Variants in SLC26A7 observed in about 807,000 individuals in gnomAD.
SLC26A7 encodes the protein anion exchange transporter.
SLC26A7 carries 59 observed loss-of-function variants against 82.5 expected under a neutral mutation model. That is an observed-to-expected ratio of 0.72 (90% confidence interval 0.58 to 0.89). The LOEUF (loss-of-function observed/expected upper bound fraction) is 0.89. Among genes scored for constraint, SLC26A7 ranks in the 40% least tolerant of loss-of-function variants. The probability of loss-of-function intolerance (pLI) is 0.00; values close to 1 mark genes in which losing one functional copy is unlikely to be tolerated. For synonymous variants in SLC26A7, 271 were observed against 274.3 expected, an observed-to-expected ratio of 0.99 and a Z score of 0.12; for missense variants, 820 against 793.0, an observed-to-expected ratio of 1.03 and a Z score of -0.41.
At chr8:91,386,139 G>T (rs1814793503) in intron 15 of SLC26A7, among the ~76,000 whole-genome samples, 1 of 152,086 alleles carries the variant, frequency 6.6e-6, no homozygotes, top group Non-Finnish European at 1.5e-5. Context: ...ACTCATGTCA[G>T]ACAGTTATAG....
intron 9 of SLC26A7, among the ~76,000 whole-genome samples, chr8:91,347,426 A>G (rs1377858517): frequency 1.3e-5 from 2 of 152,192 alleles, no homozygotes; most frequent in African/African-American, 4.8e-5. Flanking sequence ...TCCCTAATGG[A>G]GTCAAAATAT....
chr8:91,213,948 G>T (rs1256641361), intron 1 of SLC26A7, among the ~76,000 whole-genome samples: 1 of 152,100 alleles, frequency 6.6e-6, no homozygotes, highest in East Asian at 1.9e-4. Flanking sequence ...TAAGTAAGGG[G>T]TTTGAACTTG....
intron 9 of SLC26A7, chr8:91,348,269 C>A (rs767528234): frequency 7.0e-4 from 652 of 929,176 alleles, no homozygotes; most frequent in Non-Finnish European, 7.8e-4. Context: ...CCTTTCCCAT[C>A]TCTTTTGCCA....
chr8:91,374,400 G>C (rs1414076709), intron 15 of SLC26A7, among the ~76,000 whole-genome samples: 1 of 149,062 alleles, frequency 6.7e-6, no homozygotes, highest in African/African-American at 2.5e-5. Context: ...TTTTTTTGCT[G>C]TATCTTAGAG....
chr8:91,316,988 TAAAAAAAAAAA>T (rs61581659), intron 4 of SLC26A7, among the ~76,000 whole-genome samples: 1 of 15,498 alleles, frequency 6.5e-5, no homozygotes, highest in African/African-American at 1.5e-4. Context: ...ACCCTGTCTC[TAAAAAAAAAAA>T]AAAAAAAAAA....
rs774189101 is a variant in SLC26A7 at position 91,340,406 on chromosome 8, T to C, written c.881T>C (p.Ile294Thr). The C allele has an allele frequency of 1.9e-6, 3 of 1,613,566 alleles. No homozygotes were observed. Among genetic ancestry groups the C allele is most frequent in the East Asian group, 2.2e-5 (1 of 44,868 alleles). Residue 294 changes from isoleucine to threonine, a missense_variant and splice_region_variant, in exon 8 of 19, where the codon ATT (isoleucine) becomes ACT (threonine). Physicochemically the swap from Ile to Thr is moderately conservative, Grantham distance 89. Transcript: ENST00000276609. ...LEVVGHIPQGIPSPRAPPMNI... is the reference protein window; with the variant it reads ...LEVVGHIPQGTPSPRAPPMNI... ...CAATATGGTCCTTCTTTCCACAGAA[T>C]TCCCTCACCTAGAGCTCCCCCGATG...
chr8:91,389,791 AGTAAGTGCCTTGATGATG>A (rs1347065423), intron 16 of SLC26A7, among the ~76,000 whole-genome samples: 2 of 152,220 alleles, frequency 1.3e-5, no homozygotes, highest in Non-Finnish European at 2.9e-5. Flanking sequence ...AGGCTGCATA[AGTAAGTGCCTTGATGATG>A]GCAGGAGGTT....
intron 8 of SLC26A7, among the ~76,000 whole-genome samples, chr8:91,340,990 T>C (rs74994083): frequency 2.3e-5 from 1 of 44,198 alleles, no homozygotes; most frequent in African/African-American, 4.6e-5. Flanking sequence ...TCCTGTTTCT[T>C]TTTTTTTTTT....
chr8:91,312,126 T>G (rs1812506130), intron 4 of SLC26A7, among the ~76,000 whole-genome samples: 1 of 152,190 alleles, frequency 6.6e-6, no homozygotes, highest in Admixed American at 6.5e-5. Flanking sequence ...CCTCACTTCC[T>G]CTAGCCCTTG....
chr8:91,348,314 A>T, intron 9 of SLC26A7: 1 of 985,304 alleles, frequency 1.0e-6, no homozygotes, highest in Non-Finnish European at 1.2e-6. Context: ...ACATGCAGTG[A>T]GTTCGAGAAC....
intron 11 of SLC26A7, chr8:91,357,254 G>C (rs1272697112): frequency 6.6e-6 from 1 of 152,092 alleles, no homozygotes; most frequent in Non-Finnish European, 1.5e-5. Flanking sequence ...ATCTATACTT[G>C]ATTGAGCTCT....
chr8:91,316,450 AATTTTTTTT>A (rs1812634349), intron 4 of SLC26A7, among the ~76,000 whole-genome samples: 1 of 94,714 alleles, frequency 1.1e-5, no homozygotes, highest in African/African-American at 4.5e-5. Flanking sequence ...ACTCAACACT[AATTTTTTTT>A]TTTTTTTTTT....
chr8:91,366,680 A>C lies in SLC26A7; in HGVS notation c.1589A>C (p.Glu530Ala). ...YTDLMNMIQKENACNQPLDDI... is the reference protein window; with the variant it reads ...YTDLMNMIQKANACNQPLDDI... Reference sequence around the variant, plus strand: ...GATTTAATGAACATGATCCAAAAGGAAAATGCCTGTAATCAGCCACTTGAT... The same window carrying C: ...GATTTAATGAACATGATCCAAAAGGCAAATGCCTGTAATCAGCCACTTGAT... The change falls in exon 14 of 19, where the codon GAA (glutamate) becomes GCA (alanine). Residue 530 changes from glutamate to alanine, a missense_variant. Transcript: ENST00000276609. 1 of 1,613,364 alleles carries C rather than the reference A, an allele frequency of 6.2e-7. No individual in the cohort carries two copies. The highest frequency in any genetic ancestry group is 8.5e-7 in the Non-Finnish European group (1 of 1,179,794).
rs1429908488 is a variant in SLC26A7 at position 91,395,509 on chromosome 8, A to C, written c.*412A>C. The C allele has an allele frequency of 6.0e-6, 1 of 166,386 alleles. No homozygotes were observed. The highest frequency in any genetic ancestry group is 2.4e-5 in the African/African-American group (1 of 41,658). The allele number at this position is 166,386 out of a possible 1,614,324, so 10.3% of individuals were successfully genotyped here. A position where few individuals can be genotyped will look rare whatever the true frequency, so the allele number is the denominator to read the frequency against. ...TTTTAAGATAATCTGTAACTAATAC[A>C]TAAAAACAACTTAGCAAATGTGCCA... On this transcript the variant is annotated 3_prime_UTR_variant, in exon 19 of 19. Coordinates refer to ENST00000276609, the MANE Select transcript of SLC26A7 (RefSeq NM_052832.4).
At chr8:91,246,381 T>C (rs1444713565), upstream of SLC26A7, among the ~76,000 whole-genome samples, 1 of 152,044 alleles carries the variant, frequency 6.6e-6, no homozygotes, top group African/African-American at 2.4e-5. Context: ...GGAAAACCAA[T>C]AAACAGTGAA....
At chr8:91,285,980 T>C (rs911378729) in intron 2 of SLC26A7, among the ~76,000 whole-genome samples, 6 of 152,330 alleles carry the variant, frequency 3.9e-5, no homozygotes, top group South Asian at 2.1e-4. Context: ...AATAAACTAG[T>C]CTGAAACTGA....
chr8:91,343,646 C>G (rs1261956514), intron 9 of SLC26A7, among the ~76,000 whole-genome samples, 180 bp downstream of exon 9: 1 of 152,106 alleles, frequency 6.6e-6, no homozygotes, highest in Non-Finnish European at 1.5e-5. Flanking sequence ...ATGACACTTA[C>G]GAAAGCTAAG....
At chr8:91,254,396 T>C (rs867580158) in intron 2 of SLC26A7, among the ~76,000 whole-genome samples, 21 of 152,148 alleles carry the variant, frequency 1.4e-4, no homozygotes, top group African/African-American at 4.6e-4. Flanking sequence ...CAAGACACTT[T>C]CTAACATATT....
At chr8:91,375,717 A>T (rs1428966150) in intron 15 of SLC26A7, among the ~76,000 whole-genome samples, 1 of 141,306 alleles carries the variant, frequency 7.1e-6, no homozygotes, top group East Asian at 2.1e-4. Flanking sequence ...TGCTTCAGTG[A>T]TGTCTTCTTC....
Sources: gnomAD v4.1 joint callset for allele counts (sites outside exome capture counted in the v4.1 genomes callset) on GRCh38, gnomAD v4.1.1 for gene constraint, MANE v1.5 for transcripts, NCBI Gene and HGNC (gene_info 2026-07-23, HGNC 2026-07-21) for gene names.